The following NFIA variants were observed in gnomAD, a reference collection of about 807,000 sequenced individuals.
The protein encoded by NFIA is nuclear factor I A, also known as nuclear factor 1 A-type.
In NFIA, 8 loss-of-function variants were observed where a neutral mutation model predicts 62.8. That is an observed-to-expected ratio of 0.13 (90% CI 0.07 to 0.23). The LOEUF is 0.23. Ranked by LOEUF, NFIA falls within the 10% of genes least tolerant of loss-of-function variation. NFIA has a pLI of 1.00. For missense variants in NFIA, 410 were observed against 642.1 expected, an observed-to-expected ratio of 0.64 and a Z score of 3.91; for synonymous variants, 235 against 238.1, an observed-to-expected ratio of 0.99 and a Z score of 0.12.
chr1:61,120,380 G>A (rs1247628582), intron 2 of NFIA, among the ~76,000 whole-genome samples: 1 of 152,190 alleles, frequency 6.6e-6, no homozygotes, highest in East Asian at 1.9e-4. Flanking sequence ...TAGGTGATTA[G>A]TATTCTTTCT....
chr1:61,319,705 A>C (rs1660565015), intron 3 of NFIA, among the ~76,000 whole-genome samples: 1 of 152,014 alleles, frequency 6.6e-6, no homozygotes, highest in African/African-American at 2.4e-5. Flanking sequence ...CCTGTTTTAT[A>C]TGAAAATCCT....
intron 4 of NFIA, among the ~76,000 whole-genome samples, chr1:61,339,797 T>C (rs1241080096): frequency 6.7e-6 from 1 of 148,594 alleles, no homozygotes; most frequent in African/African-American, 2.5e-5. Context: ...TTGATTTTTT[T>C]CCTATCCTAC....
At chr1:61,140,660 TAGC>T (rs927643060) in intron 2 of NFIA, among the ~76,000 whole-genome samples, 3 of 152,136 alleles carry the variant, frequency 2.0e-5, no homozygotes, top group African/African-American at 7.2e-5. Context: ...TGCTGGAATG[TAGC>T]ATGGGAAAGC....
chr1:61,393,612 C>T (rs529680317), intron 7 of NFIA, among the ~76,000 whole-genome samples: 2 of 152,084 alleles, frequency 1.3e-5, no homozygotes, highest in Admixed American at 6.5e-5. Flanking sequence ...TGGTGTGACC[C>T]GGCTTCCCTG....
chr1:61,259,523 C>T (rs1280682821), intron 2 of NFIA, among the ~76,000 whole-genome samples: 3 of 152,308 alleles, frequency 2.0e-5, no homozygotes, highest in Non-Finnish European at 4.4e-5. Context: ...ATCTGAGTCC[C>T]ATTCTCAGTA....
intron 2 of NFIA, among the ~76,000 whole-genome samples, chr1:61,202,038 G>A (rs1035068040): frequency 6.6e-6 from 1 of 152,038 alleles, no homozygotes; most frequent in African/African-American, 2.4e-5. Flanking sequence ...TCCAATTTGG[G>A]CAGGTGTTAG....
chr1:61,436,100 A>G (rs1186454071), intron 10 of NFIA, among the ~76,000 whole-genome samples: 2 of 151,924 alleles, frequency 1.3e-5, no homozygotes, highest in Non-Finnish European at 2.9e-5. Flanking sequence ...TTAAACATGG[A>G]CTCTGAAAAG....
At chr1:61,196,898 AGTGTGTGTGTGTGTGTGTGT>A (rs3030264) in intron 2 of NFIA, among the ~76,000 whole-genome samples, 1,534 of 148,548 alleles carry the variant, frequency 0.01, 11 homozygotes, top group Middle Eastern at 0.056. Context: ...ACCTTAAAGG[AGTGTGTGTGTGTGTGTGTGT>A]GTGTGTGTGT....
chr1:61,219,962 A>AAAAT (rs78141910), intron 2 of NFIA, among the ~76,000 whole-genome samples: 3,578 of 151,470 alleles, frequency 0.024, 57 homozygotes, highest in African/African-American at 0.041. Context: ...ACTCCGTCTC[A>AAAAT]AAATAAATAA....
At chr1:61,300,967 C>T (rs978809105) in intron 3 of NFIA, among the ~76,000 whole-genome samples, 2 of 152,066 alleles carry the variant, frequency 1.3e-5, no homozygotes, top group Non-Finnish European at 2.9e-5. Flanking sequence ...TATGGTTCTA[C>T]ATAGTTAATA....
At chr1:61,308,119 T>G (rs563172514) in intron 3 of NFIA, among the ~76,000 whole-genome samples, 16 of 152,322 alleles carry the variant, frequency 1.1e-4, no homozygotes, top group South Asian at 2.1e-4. Context: ...AACCTGGTAG[T>G]ACTTGGATTT....
chr1:61,119,463 A>C (rs1280629641), intron 2 of NFIA, among the ~76,000 whole-genome samples: 1 of 152,194 alleles, frequency 6.6e-6, no homozygotes, highest in East Asian at 1.9e-4. Flanking sequence ...ATTAAGAGAA[A>C]CTGTATGGAA....
At chr1:61,206,099 T>A (rs191484612) in intron 2 of NFIA, among the ~76,000 whole-genome samples, 1 of 152,182 alleles carries the variant, frequency 6.6e-6, no homozygotes, top group African/African-American at 2.4e-5. Context: ...CTAATGTTTT[T>A]AAAATTATTT....
rs570365207 is a variant in NFIA at position 61,264,775 on chromosome 1, A to G, written c.560-12745A>G. On this transcript the variant is annotated intron_variant, in intron 2 of 10. Transcript: ENST00000403491. ...TTAATTTTGGGATTATTACTAAGCA[A>G]ATTACTCACAAATACTGAGTTACTG... Among the ~76,000 whole-genome samples, 16 of 152,278 alleles carry G rather than the reference A, an allele frequency of 1.1e-4. No individual in the cohort carries two copies. The East Asian group carries it at 1.9e-3, about 18-fold the overall frequency.
In NFIA at chr1:61,456,078, A is replaced by G. The variant is rs1247688015; in HGVS notation, c.*758A>G. The G allele has an allele frequency of 6.6e-6, 1 of 152,640 alleles. No homozygotes were observed. The highest frequency in any genetic ancestry group is 2.4e-5 in the African/African-American group (1 of 41,462). The allele number at this position is 152,640 out of a possible 1,614,324, so 9.5% of individuals were successfully genotyped here. On this transcript the variant is annotated 3_prime_UTR_variant, in exon 11 of 11. Coordinates refer to ENST00000403491, the MANE Select transcript of NFIA (RefSeq NM_001134673.4). ...CAACAACATTTTTTCAACAATTTCA[A>G]CAATGACACAAAAATTCACATGGAA... is the stretch of plus-strand genomic sequence containing the variant.
intron 2 of NFIA, among the ~76,000 whole-genome samples, chr1:61,255,053 A>G (rs1423331326): frequency 6.6e-6 from 1 of 152,194 alleles, no homozygotes; most frequent in East Asian, 1.9e-4. Context: ...CAGAGGCTGT[A>G]TATTTCATTA....
chr1:61,095,055 A>G (rs1315082934), intron 2 of NFIA, among the ~76,000 whole-genome samples: 3 of 152,232 alleles, frequency 2.0e-5, no homozygotes, highest in Non-Finnish European at 2.9e-5. Flanking sequence ...TGCTAACCCT[A>G]AAACAAGAAA....
intron 2 of NFIA, among the ~76,000 whole-genome samples, chr1:61,115,589 C>T (rs190762400): frequency 4.3e-4 from 65 of 152,320 alleles, no homozygotes; most frequent in African/African-American, 1.3e-3. Context: ...GCATATGTAG[C>T]GTGTGTTCTG....
At chr1:61,263,920 G>A (rs1435574051) in intron 2 of NFIA, among the ~76,000 whole-genome samples, 2 of 152,092 alleles carry the variant, frequency 1.3e-5, no homozygotes, top group Non-Finnish European at 2.9e-5. Flanking sequence ...AACCCGGGAG[G>A]CAGAGGTTGC....
Sources: gnomAD v4.1 joint callset for allele counts (sites outside exome capture counted in the v4.1 genomes callset) on GRCh38, gnomAD v4.1.1 for gene constraint, MANE v1.5 for transcripts, NCBI Gene and HGNC (gene_info 2026-07-23, HGNC 2026-07-21) for gene names.